Variants in RAB11B observed in about 807,000 individuals in gnomAD.
The protein encoded by RAB11B is RAB11B, member RAS oncogene family.
In RAB11B, 7 loss-of-function variants were observed where a neutral mutation model predicts 23.7. The ratio of observed to expected loss-of-function variants is 0.29; its 90% CI spans 0.17 to 0.55. RAB11B has a LOEUF of 0.55. Among genes scored for constraint, RAB11B ranks in the 20% least tolerant of loss-of-function variants. The pLI is 0.93. For synonymous variants in RAB11B, 138 were observed against 132.0 expected (o/e 1.05, Z -0.31); for missense variants, 189 against 320.0 (o/e 0.59, Z 3.12).
intron 1 of RAB11B, 165 bp downstream of exon 1, chr19:8,390,621 C>T (rs974941468): frequency 2.2e-5 from 15 of 693,500 alleles, no homozygotes; most frequent in Non-Finnish European, 3.1e-5. Context: ...GCATCAGCTT[C>T]GGGCTAGGAT....
At chr19:8,399,547 G>A (rs1971421971) in intron 1 of RAB11B, among the ~76,000 whole-genome samples, 1 of 152,232 alleles carries the variant, frequency 6.6e-6, no homozygotes, top group African/African-American at 2.4e-5. Context: ...GGAGGCTCAG[G>A]GTTGATGGAT....
Position 8,402,086 on chromosome 19 carries a change from G to T in RAB11B, c.237G>T (p.Ala79=). ...GQERYRAITS[A]YYRGAVGALL... is the part of the protein sequence containing the mutation. ...GGCTCATGGGCCCCTGACCCTGCAG[G>T]TACTACCGTGGTGCAGTGGGCGCCC... The change falls in exon 3 of 5, where the codon GCG becomes GCT. Residue 79 remains alanine, a splice_region_variant and synonymous_variant. Coordinates refer to ENST00000328024, the MANE Select transcript of RAB11B (RefSeq NM_004218.4). 3.1e-6 allele frequency: 5 copies of T among 1,590,810 alleles called. No homozygotes were observed. The highest frequency in any genetic ancestry group is 1.3e-5 in the African/African-American group (1 of 74,584).
chr19:8,401,051 C>A (rs1971433085), intron 2 of RAB11B, among the ~76,000 whole-genome samples: 1 of 152,096 alleles, frequency 6.6e-6, no homozygotes, highest in Non-Finnish European at 1.5e-5. Flanking sequence ...GCCACCATGC[C>A]TGGCTAATTT....
At chr19:8,399,812 G>A (rs1344750650) in intron 1 of RAB11B, 51 bp from the exon 2 acceptor site, 2 of 1,579,008 alleles carry the variant, frequency 1.3e-6, no homozygotes, top group African/African-American at 2.7e-5. Context: ...GGTTGTGGGG[G>A]CAGTCGTGGG....
chr19:8,401,713 G>T (rs1018158814), intron 2 of RAB11B, among the ~76,000 whole-genome samples: 3 of 151,920 alleles, frequency 2.0e-5, no homozygotes, highest in Non-Finnish European at 2.9e-5. Flanking sequence ...GTAGAGATGG[G>T]GTATCGCCAT....
At chr19:8,399,395 C>T (rs1344035083) in intron 1 of RAB11B, among the ~76,000 whole-genome samples, 2 of 152,338 alleles carry the variant, frequency 1.3e-5, no homozygotes, top group East Asian at 3.9e-4. Context: ...GCCATGCCTG[C>T]TCTTACTTCC....
At chr19:8,395,666 A>G (rs1156974130) in intron 1 of RAB11B, among the ~76,000 whole-genome samples, 1 of 152,154 alleles carries the variant, frequency 6.6e-6, no homozygotes, top group Non-Finnish European at 1.5e-5. Context: ...CAGGCCAAGC[A>G]GTGGTCTTTG....
chr19:8,397,178 G>C (rs918106389), intron 1 of RAB11B, among the ~76,000 whole-genome samples: 1 of 152,186 alleles, frequency 6.6e-6, no homozygotes, highest in African/African-American at 2.4e-5. Context: ...CGGGAGCTTG[G>C]CTCTGCTCTT....
chr19:8,399,873 C>T lies in RAB11B; in HGVS notation c.51C>T (p.Ile17=), dbSNP rs753678161. Reference sequence around the variant, plus strand: ...CGCCTTCCCGCCCAGTGGTGCTCATCGGGGACTCAGGCGTGGGCAAGAGCA... The same window carrying T: ...CGCCTTCCCGCCCAGTGGTGCTCATTGGGGACTCAGGCGTGGGCAAGAGCA... The part of the protein sequence containing the change: ...EYDYLFKVVL[I]GDSGVGKSNL... The change falls in exon 2 of 5, where the codon ATC becomes ATT. Residue 17 remains isoleucine (I), a synonymous_variant. Coordinates refer to ENST00000328024, the MANE Select transcript of RAB11B (RefSeq NM_004218.4). The T allele has an allele frequency of 7.9e-5, 128 of 1,613,604 alleles. No individual in the cohort carries two copies. Among genetic ancestry groups the T allele is most frequent in the Non-Finnish European group, 9.8e-5 (116 of 1,179,680 alleles).
chr19:8,400,433 C>T (rs1971428232), intron 2 of RAB11B: 2 of 265,414 alleles, frequency 7.5e-6, no homozygotes, highest in African/African-American at 4.3e-5. Context: ...CCTCCATTCC[C>T]TGCAAAGGCT....
chr19:8,401,522 G>A lies in RAB11B; in HGVS notation c.237-564G>A, dbSNP rs558084810. 2.0e-4 allele frequency among the ~76,000 whole-genome samples: 31 copies of A among 151,718 alleles called. No homozygotes were observed. In the South Asian group the frequency reaches 6.2e-3, roughly 31 times the overall value. ...CTGCCTTAGCCTCCCGAGTAGCTGG[G>A]ATTACAGGCGCCTGCCACCACGCCT... On this transcript the variant is annotated intron_variant, in intron 2 of 4. Transcript: ENST00000328024.
chr19:8,401,225 C>T (rs952547025), intron 2 of RAB11B, among the ~76,000 whole-genome samples: 5 of 151,984 alleles, frequency 3.3e-5, no homozygotes, highest in African/African-American at 4.8e-5. Flanking sequence ...GGACTACAGG[C>T]GCCCACCACC....
chr19:8,399,052 A>G (rs1971418162), intron 1 of RAB11B, among the ~76,000 whole-genome samples: 1 of 151,838 alleles, frequency 6.6e-6, no homozygotes. Context: ...TCCCGGATTC[A>G]CGCCATTCTC....
At chr19:8,392,956 G>A (rs1358044833) in intron 1 of RAB11B, among the ~76,000 whole-genome samples, 1 of 150,160 alleles carries the variant, frequency 6.7e-6, no homozygotes, top group African/African-American at 2.4e-5. Context: ...AAAGTGCTGG[G>A]ATTACAGGCA....
At chr19:8,398,872 C>T (rs1454841341) in intron 1 of RAB11B, among the ~76,000 whole-genome samples, 1 of 152,106 alleles carries the variant, frequency 6.6e-6, no homozygotes, top group Non-Finnish European at 1.5e-5. Context: ...GCCTCCACCT[C>T]CTGGGCTCAA....
chr19:8,403,042 A>T (rs1971450732), intron 4 of RAB11B: 1 of 338,442 alleles, frequency 3.0e-6, no homozygotes, highest in South Asian at 4.3e-5. Flanking sequence ...ACAGGGTCAG[A>T]CCAGGTCTAG....
At chr19:8,397,071 T>C (rs1458939397) in intron 1 of RAB11B, among the ~76,000 whole-genome samples, 3 of 152,160 alleles carry the variant, frequency 2.0e-5, no homozygotes, top group East Asian at 1.9e-4. Context: ...CGAGAATGAC[T>C]CCAGGTTTCT....
At position 8,396,846 on chromosome 19, in the gene RAB11B, G is replaced by C. The variant is rs1361930408; in HGVS notation, c.41-3017G>C. ...GAGGTGCCCTGGCTCGGCACTCACG[G>C]GCGCTCTCTGGTGGCTGCTGCAGGA... is the stretch of plus-strand genomic sequence containing the variant. On this transcript the variant is annotated intron_variant, in intron 1 of 4. Transcript: ENST00000328024. The surrounding 1 kb of genome is among the most constrained non-coding windows in gnomAD (Gnocchi z 5.0). 6.6e-6 allele frequency among the ~76,000 whole-genome samples: 1 copy of C among 152,152 alleles called. No homozygotes were observed. Among genetic ancestry groups the C allele is most frequent in the Non-Finnish European group, 1.5e-5 (1 of 68,012 alleles).
Position 8,396,714 on chromosome 19 carries a change from G to GT in RAB11B, c.41-3149_41-3148insT. On this transcript the variant is annotated intron_variant, in intron 1 of 4. Transcript: ENST00000328024. This position sits in a 1 kb window ranked among gnomAD's most constrained non-coding sequence, Gnocchi z 5.0. Reference sequence around the variant, plus strand: ...GTGGCTGGAGCAGAGTGAGCCGGGGGGGGGGCGGGAGGGAGGAGGGGAGGG... The same window carrying GT: ...GTGGCTGGAGCAGAGTGAGCCGGGGGTGGGGGCGGGAGGGAGGAGGGGAGGG... 6.8e-6 allele frequency among the ~76,000 whole-genome samples: 1 copy of GT among 146,764 alleles called. No individual in the cohort carries two copies. Among genetic ancestry groups the GT allele is most frequent in the South Asian group, 2.3e-4 (1 of 4,352 alleles).
Sources: allele counts gnomAD v4.1 joint callset (sites outside exome capture counted in the v4.1 genomes callset), GRCh38; gene constraint gnomAD v4.1.1; non-coding constraint Gnocchi (gnomAD v3.1); transcripts MANE v1.5; gene names NCBI Gene and HGNC (gene_info 2026-07-23, HGNC 2026-07-21).